Variants in PLCL1 observed in about 807,000 individuals in gnomAD.
PLCL1 encodes phospholipase C like 1 (inactive), also known as inactive phospholipase C-like protein 1.
PLCL1 carries 41 observed loss-of-function variants against 84.4 expected under a neutral mutation model. The ratio of observed to expected loss-of-function variants is 0.49; its 90% CI spans 0.38 to 0.63. The LOEUF is 0.63. PLCL1 is among the 30% of genes least tolerant of loss of function. The pLI is 0.00. For synonymous variants in PLCL1, 490 were observed against 488.3 expected (o/e 1.00, Z -0.05); for missense variants, 1,206 against 1,367.8 (o/e 0.88, Z 1.87).
At chr2:197,864,408 G>A (rs990457342) in intron 1 of PLCL1, among the ~76,000 whole-genome samples, 1 of 142,828 alleles carries the variant, frequency 7.0e-6, no homozygotes, top group East Asian at 2.0e-4. Context: ...AACTCTCTTT[G>A]TTAAGTATAA....
chr2:198,039,942 G>C (rs1691621744), intron 1 of PLCL1, among the ~76,000 whole-genome samples: 1 of 152,126 alleles, frequency 6.6e-6, no homozygotes, highest in South Asian at 2.1e-4. Context: ...GCTAGAATGG[G>C]GCAAACATAT....
At chr2:198,146,546 G>C (rs1361304732) in intron 5 of PLCL1, among the ~76,000 whole-genome samples, 7 of 152,100 alleles carry the variant, frequency 4.6e-5, no homozygotes. Flanking sequence ...TCAACGGACT[G>C]CCAGCAATTG....
At chr2:198,002,806 A>T (rs1293565036) in intron 1 of PLCL1, among the ~76,000 whole-genome samples, 1 of 152,198 alleles carries the variant, frequency 6.6e-6, no homozygotes, top group Non-Finnish European at 1.5e-5. Context: ...TGTATTCTGC[A>T]GGCAGGTACC....
At chr2:198,086,496 G>A (rs941483063) in intron 2 of PLCL1, among the ~76,000 whole-genome samples, 3 of 151,988 alleles carry the variant, frequency 2.0e-5, no homozygotes, top group African/African-American at 4.8e-5. Context: ...TGGCGAGCAC[G>A]TGTAGTCCCA....
intron 1 of PLCL1, among the ~76,000 whole-genome samples, chr2:197,877,156 C>G (rs1302382935): frequency 6.6e-6 from 1 of 152,068 alleles, no homozygotes; most frequent in Admixed American, 6.6e-5. Context: ...TTTGCATTTC[C>G]TGATAGACAT....
chr2:198,022,470 C>T (rs778376198), intron 1 of PLCL1, among the ~76,000 whole-genome samples: 18 of 152,164 alleles, frequency 1.2e-4, no homozygotes, highest in Non-Finnish European at 4.4e-5. Context: ...TATCTGTTTG[C>T]AGATGACATG....
chr2:197,807,032 T>C (rs1284014753), intron 1 of PLCL1, among the ~76,000 whole-genome samples: 2 of 152,220 alleles, frequency 1.3e-5, no homozygotes, highest in Non-Finnish European at 2.9e-5. Flanking sequence ...AATATTAACT[T>C]GATTTTTCCC....
At chr2:197,851,836 G>T (rs1033033603) in intron 1 of PLCL1, among the ~76,000 whole-genome samples, 1 of 152,152 alleles carries the variant, frequency 6.6e-6, no homozygotes, top group Non-Finnish European at 1.5e-5. Context: ...CTGGCACCTG[G>T]CCCCATTCCC....
At chr2:198,134,926 AT>A (rs1406259095) in intron 5 of PLCL1, among the ~76,000 whole-genome samples, 4 of 152,216 alleles carry the variant, frequency 2.6e-5, no homozygotes, top group Non-Finnish European at 5.9e-5. Flanking sequence ...TGTTTGCAGA[AT>A]TACTTTTTGG....
chr2:197,988,783 T>G (rs1017524806), intron 1 of PLCL1, among the ~76,000 whole-genome samples: 1 of 152,238 alleles, frequency 6.6e-6, no homozygotes, highest in Admixed American at 6.5e-5. Context: ...TTTTTAGTTC[T>G]TTAAGAAATC....
chr2:197,921,179 G>A (rs1384159443), intron 1 of PLCL1, among the ~76,000 whole-genome samples: 1 of 152,124 alleles, frequency 6.6e-6, no homozygotes, highest in Non-Finnish European at 1.5e-5. Context: ...ATAGAAAAGG[G>A]ACAGTAAAAA....
At chr2:197,884,911 C>T (rs967468459) in intron 1 of PLCL1, among the ~76,000 whole-genome samples, 1 of 152,064 alleles carries the variant, frequency 6.6e-6, no homozygotes, top group African/African-American at 2.4e-5. Context: ...CTGTATTGTT[C>T]CCTTGCTTAA....
At chr2:198,079,860 C>T (rs969036674) in intron 1 of PLCL1, among the ~76,000 whole-genome samples, 1 of 152,154 alleles carries the variant, frequency 6.6e-6, no homozygotes, top group Admixed American at 6.5e-5. Flanking sequence ...TTGGACTCAA[C>T]TACAATATGA....
At chr2:197,824,205 A>G (rs1690880621) in intron 1 of PLCL1, among the ~76,000 whole-genome samples, 1 of 152,010 alleles carries the variant, frequency 6.6e-6, no homozygotes, top group South Asian at 2.1e-4. Flanking sequence ...CTTGACACAA[A>G]CTCAGACTTA....
rs576054747 is a variant in PLCL1 at position 198,143,027 on chromosome 2, G to A, written c.3106-3753G>A. The stretch of plus-strand genomic sequence containing the variant: ...CACCAAATAAAATGAATTCTCCTGG[G>A]GTTCCTCCTCTTCCCTTAAGACCTC... On this transcript the variant is annotated intron_variant, in intron 5 of 5. Transcript: ENST00000428675. Among the ~76,000 whole-genome samples the A allele has an allele frequency of 2.6e-5, 4 of 152,036 alleles. No individual in the cohort carries two copies. The East Asian group carries it at 7.7e-4, about 29-fold the overall frequency.
chr2:198,089,745 A>C (rs1692972935), intron 3 of PLCL1, among the ~76,000 whole-genome samples: 1 of 152,228 alleles, frequency 6.6e-6, no homozygotes, highest in African/African-American at 2.4e-5. Flanking sequence ...TAAGGGGAGA[A>C]TGGATATTAA....
chr2:197,991,369 T>C (rs370095618), intron 1 of PLCL1, among the ~76,000 whole-genome samples: 9 of 152,162 alleles, frequency 5.9e-5, no homozygotes, highest in South Asian at 2.1e-4. Context: ...TCAAACTCTA[T>C]AGTGGCATGA....
intron 1 of PLCL1, among the ~76,000 whole-genome samples, chr2:197,817,450 A>AT (rs537750779): frequency 2.0e-5 from 3 of 151,548 alleles, no homozygotes; most frequent in African/African-American, 2.4e-5. Flanking sequence ...CATTTATTTT[A>AT]TTTTTTTTAG....
intron 1 of PLCL1, among the ~76,000 whole-genome samples, chr2:197,970,151 G>C (rs1387384656): frequency 2.6e-5 from 4 of 152,152 alleles, no homozygotes; most frequent in Non-Finnish European, 5.9e-5. Context: ...CACATTTCTG[G>C]AGGCTGGAAA....
Sources: gnomAD v4.1 joint callset for allele counts (sites outside exome capture counted in the v4.1 genomes callset) on GRCh38, gnomAD v4.1.1 for gene constraint, MANE v1.5 for transcripts, NCBI Gene and HGNC (gene_info 2026-07-23, HGNC 2026-07-21) for gene names.